CAMKMT: variants seen among roughly 807,000 people sequenced by gnomAD.
CAMKMT encodes the protein CaM KMT.
Under a neutral mutation model 48.0 loss-of-function variants are expected in CAMKMT, and 53 were observed. The observed-to-expected ratio is 1.10, with a 90% CI of 0.89 to 1.39. The LOEUF is 1.39. Among genes scored for constraint, CAMKMT ranks in the 40% most tolerant of loss-of-function variants. The pLI is 0.00. For missense variants in CAMKMT, 428 were observed against 402.7 expected (o/e 1.06, Z -0.54); for synonymous variants, 165 against 152.3 (o/e 1.08, Z -0.61).
intron 3 of CAMKMT, among the ~76,000 whole-genome samples, chr2:44,579,031 C>T (rs1014645262): frequency 6.6e-6 from 1 of 152,174 alleles, no homozygotes; most frequent in Non-Finnish European, 1.5e-5. Flanking sequence ...AGTTTGCTAA[C>T]ATTTCAAGAA....
chr2:44,385,265 T>G (rs1680674643), intron 2 of CAMKMT, among the ~76,000 whole-genome samples: 1 of 152,170 alleles, frequency 6.6e-6, no homozygotes. Flanking sequence ...GTTGAGTTCT[T>G]GATTTGATTC....
intron 3 of CAMKMT, among the ~76,000 whole-genome samples, chr2:44,673,471 G>GGAAGA (rs1553435760): frequency 3.4e-5 from 4 of 116,844 alleles, no homozygotes; most frequent in African/African-American, 1.4e-4. Flanking sequence ...GAAAGAGAGA[G>GGAAGA]AGGAAGGAAG....
chr2:44,683,049 G>T (rs373224700), intron 3 of CAMKMT, among the ~76,000 whole-genome samples: 3 of 152,072 alleles, frequency 2.0e-5, no homozygotes, highest in Non-Finnish European at 2.9e-5. Context: ...GGAGAAGGGG[G>T]TCACTATTTC....
chr2:44,548,025 TC>T (rs1453566444), intron 3 of CAMKMT, among the ~76,000 whole-genome samples: 2 of 152,180 alleles, frequency 1.3e-5, no homozygotes, highest in African/African-American at 4.8e-5. Context: ...CTGGACATCT[TC>T]CTGCAGATTT....
At chr2:44,686,392 CAA>C (rs35238467) in intron 3 of CAMKMT, among the ~76,000 whole-genome samples, 80 of 113,238 alleles carry the variant, frequency 7.1e-4, no homozygotes, top group African/African-American at 2.1e-3. Flanking sequence ...GACTCTGCCT[CAA>C]AAAAAAAAAA....
At chr2:44,517,939 A>G (rs1363085158) in intron 3 of CAMKMT, among the ~76,000 whole-genome samples, 1 of 152,094 alleles carries the variant, frequency 6.6e-6, no homozygotes, top group African/African-American at 2.4e-5. Flanking sequence ...GTCTCCATAC[A>G]CTTGAATTTT....
intron 3 of CAMKMT, among the ~76,000 whole-genome samples, chr2:44,547,110 G>A (rs529216701): frequency 6.3e-4 from 96 of 152,170 alleles, no homozygotes; most frequent in African/African-American, 2.0e-3. Flanking sequence ...TCAAGCTTAG[G>A]TTTTTTGTTA....
intron 3 of CAMKMT, among the ~76,000 whole-genome samples, chr2:44,683,736 G>T (rs897807522): frequency 3.3e-5 from 5 of 149,984 alleles, no homozygotes; most frequent in South Asian, 2.1e-4. Flanking sequence ...GGCAGGAGAA[G>T]GGCGTGAACC....
chr2:44,491,625 C>T (rs1669510558), intron 3 of CAMKMT, among the ~76,000 whole-genome samples: 1 of 152,210 alleles, frequency 6.6e-6, no homozygotes, highest in Admixed American at 6.5e-5. Context: ...GTAACTTACA[C>T]TGCACTATGA....
intron 3 of CAMKMT, among the ~76,000 whole-genome samples, chr2:44,677,720 A>T (rs786181): frequency 0.44 from 67,054 of 151,400 alleles, 15,832 homozygotes; most frequent in Non-Finnish European, 0.53. Context: ...AAAAAAAAAA[A>T]GCGTATTTAC....
intron 3 of CAMKMT, among the ~76,000 whole-genome samples, chr2:44,419,529 A>C (rs1045990431): frequency 2.0e-5 from 3 of 152,174 alleles, no homozygotes; most frequent in Non-Finnish European, 4.4e-5. Flanking sequence ...AAGGAAATAG[A>C]TTCTCCTCTA....
chr2:44,431,953 A>G (rs1281222945), intron 3 of CAMKMT, among the ~76,000 whole-genome samples: 1 of 152,166 alleles, frequency 6.6e-6, no homozygotes, highest in African/African-American at 2.4e-5. Context: ...TTTCAGAGCA[A>G]GCTTTGTTCA....
intron 3 of CAMKMT, among the ~76,000 whole-genome samples, chr2:44,495,960 C>T (rs1669733313): frequency 6.6e-6 from 1 of 152,112 alleles, no homozygotes; most frequent in Non-Finnish European, 1.5e-5. Context: ...CTTATGAATA[C>T]CTAGTAACTC....
chr2:44,464,923 G>C (rs189010745), intron 3 of CAMKMT, among the ~76,000 whole-genome samples: 122 of 152,194 alleles, frequency 8.0e-4, no homozygotes, highest in Middle Eastern at 3.4e-3. Flanking sequence ...AAAATATATA[G>C]ATAAATACAG....
intron 3 of CAMKMT, among the ~76,000 whole-genome samples, chr2:44,614,029 T>C (rs1478457182): frequency 1.3e-5 from 2 of 152,250 alleles, no homozygotes; most frequent in Admixed American, 6.5e-5. Flanking sequence ...AATACAAATG[T>C]AGAAGGGGCT....
chr2:44,382,397 A>T, intron 2 of CAMKMT, among the ~76,000 whole-genome samples: 1 of 151,880 alleles, frequency 6.6e-6, no homozygotes. Context: ...GTGATTGGTG[A>T]CTTTGTTTTT....
chr2:44,409,567 C>T (rs76007928), intron 3 of CAMKMT, among the ~76,000 whole-genome samples: 214 of 152,056 alleles, frequency 1.4e-3, no homozygotes, highest in African/African-American at 4.9e-3. Flanking sequence ...TATCTTAAAG[C>T]CATTTTATAG....
intron 3 of CAMKMT, among the ~76,000 whole-genome samples, chr2:44,611,963 G>A (rs967794657): frequency 5.9e-5 from 9 of 152,124 alleles, no homozygotes; most frequent in African/African-American, 1.9e-4. Context: ...CTGCCCCCAT[G>A]ATTCAAACAC....
chr2:44,746,282 A>G (rs1177127606), intron 8 of CAMKMT, among the ~76,000 whole-genome samples: 2 of 152,190 alleles, frequency 1.3e-5, no homozygotes, highest in Non-Finnish European at 2.9e-5. Context: ...GCTTGATCCC[A>G]TTTACATGAA....
Sources: gnomAD v4.1 joint callset for allele counts (sites outside exome capture counted in the v4.1 genomes callset) on GRCh38, gnomAD v4.1.1 for gene constraint, MANE v1.5 for transcripts, NCBI Gene and HGNC (gene_info 2026-07-23, HGNC 2026-07-21) for gene names.